The following STXBP5L variants were observed in gnomAD, a reference collection of about 807,000 sequenced individuals.
STXBP5L encodes syntaxin binding protein 5L.
STXBP5L carries 65 observed loss-of-function variants against 144.5 expected under a neutral mutation model. That is an observed-to-expected ratio of 0.45 (90% confidence interval 0.37 to 0.55). The LOEUF (loss-of-function observed/expected upper bound fraction) is 0.55, where lower values mean the gene tolerates loss of function less well. Ranked by LOEUF, STXBP5L falls within the 20% of genes least tolerant of loss-of-function variation. STXBP5L has a pLI of 0.00. For synonymous variants in STXBP5L, 505 were observed against 469.6 expected, an observed-to-expected ratio of 1.08 and a Z score of -0.97; for missense variants, 1,298 against 1,405.5, an observed-to-expected ratio of 0.92 and a Z score of 1.22.
intron 3 of STXBP5L, among the ~76,000 whole-genome samples, chr3:120,983,041 G>C (rs946965943): frequency 8.5e-5 from 13 of 152,226 alleles, no homozygotes; most frequent in Non-Finnish European, 1.5e-4. Flanking sequence ...GAGCAGTGGA[G>C]GCAGGCAGCT....
intron 3 of STXBP5L, among the ~76,000 whole-genome samples, chr3:120,987,647 G>T (rs1942416841): frequency 6.6e-6 from 1 of 151,660 alleles, no homozygotes; most frequent in Non-Finnish European, 1.5e-5. Context: ...TGTGCTCGTG[G>T]TTTCACCTCT....
intron 19 of STXBP5L, 51 bp from the exon 20 acceptor site, chr3:121,318,424 C>T (rs770625657): frequency 1.4e-6 from 2 of 1,418,446 alleles, no homozygotes; most frequent in Non-Finnish European, 1.9e-6. Context: ...ATAAGAATAA[C>T]CTACAAAATG....
In STXBP5L at chr3:121,006,884, C is replaced by G. The variant is rs534108426; in HGVS notation, c.288-34816C>G. 1.9e-4 allele frequency among the ~76,000 whole-genome samples: 29 copies of G among 152,296 alleles called. No homozygotes were observed. The Middle Eastern group carries it at 0.017, about 89-fold the overall frequency. ...AGAATGTTGAATATTGGCCCCCACT[C>G]TCTTCTGGCTTGTAGAGTTTCTGCT... On this transcript the variant is annotated intron_variant, in intron 3 of 26. Transcript: ENST00000471454.
intron 3 of STXBP5L, among the ~76,000 whole-genome samples, chr3:121,017,055 C>A (rs1308065657): frequency 6.6e-6 from 1 of 152,086 alleles, no homozygotes; most frequent in African/African-American, 2.4e-5. Flanking sequence ...ATTAGCAAAT[C>A]AAATCCAACA....
chr3:121,002,038 T>A (rs1471482118), intron 3 of STXBP5L, among the ~76,000 whole-genome samples: 2 of 152,236 alleles, frequency 1.3e-5, no homozygotes, highest in Admixed American at 1.3e-4. Context: ...GATATATCTA[T>A]GACATACTGA....
chr3:121,363,529 AC>A (rs2045776353), intron 20 of STXBP5L, among the ~76,000 whole-genome samples: 1 of 151,976 alleles, frequency 6.6e-6, no homozygotes. Context: ...TTCTGCTCTA[AC>A]AGGACAGCAC....
At chr3:120,921,630 C>T (rs780621288) in intron 2 of STXBP5L, among the ~76,000 whole-genome samples, 14 of 151,890 alleles carry the variant, frequency 9.2e-5, no homozygotes, top group Non-Finnish European at 1.9e-4. Flanking sequence ...AGTCTTTAAT[C>T]AATTTTGATT....
At chr3:120,991,732 G>A (rs927249591) in intron 3 of STXBP5L, among the ~76,000 whole-genome samples, 1 of 150,520 alleles carries the variant, frequency 6.6e-6, no homozygotes, top group South Asian at 2.1e-4. Flanking sequence ...AACACCGCAT[G>A]TTCTCACTCA....
In STXBP5L at chr3:121,255,715, G is replaced by A. The variant is rs182641203; in HGVS notation, c.1659+603G>A. 2.7e-3 allele frequency among the ~76,000 whole-genome samples: 407 copies of A among 151,928 alleles called. 5 individuals are homozygous for A. Among genetic ancestry groups the A allele is most frequent in the South Asian group, 0.021 (99 of 4,812 alleles). The stretch of plus-strand genomic sequence containing the variant: ...GTTATTTTTAATGATTTTCTATGTA[G>A]CAACATTTTTATGGGGTAGATCTAA... On this transcript the variant is annotated intron_variant, in intron 16 of 26. Coordinates refer to ENST00000471454, the MANE Select transcript of STXBP5L (RefSeq NM_001308330.2).
intron 20 of STXBP5L, among the ~76,000 whole-genome samples, chr3:121,326,565 C>T (rs2044156191): frequency 6.6e-6 from 1 of 151,964 alleles, no homozygotes. Context: ...TTATTTATTT[C>T]AGAGAATATA....
chr3:121,104,977 C>G (rs2043622235), intron 5 of STXBP5L, among the ~76,000 whole-genome samples: 1 of 152,082 alleles, frequency 6.6e-6, no homozygotes, highest in Non-Finnish European at 1.5e-5. Flanking sequence ...TCTTGGCAAC[C>G]TATGCATCTG....
At chr3:121,246,762 A>C (rs537292006) in intron 14 of STXBP5L, among the ~76,000 whole-genome samples, 1 of 152,332 alleles carries the variant, frequency 6.6e-6, no homozygotes, top group South Asian at 2.1e-4. Flanking sequence ...AAAAGGAACA[A>C]ATTATTAATA....
intron 5 of STXBP5L, among the ~76,000 whole-genome samples, chr3:121,103,194 GGTATATATCCATAGAAAAATAAATT>G (rs2043517601): frequency 6.6e-6 from 1 of 150,984 alleles, no homozygotes; most frequent in African/African-American, 2.4e-5. Context: ...CCCATTACTG[GGTATATATCCATAGAAAAATAAATT>G]GTTCTACCAA....
intron 7 of STXBP5L, among the ~76,000 whole-genome samples, chr3:121,123,538 A>G (rs1247919906): frequency 1.3e-5 from 2 of 151,480 alleles, no homozygotes; most frequent in African/African-American, 2.4e-5. Flanking sequence ...TTGCCTTTAT[A>G]TTTGTACTTA....
At chr3:121,331,954 C>G (rs1577477018) in intron 20 of STXBP5L, among the ~76,000 whole-genome samples, 1 of 151,536 alleles carries the variant, frequency 6.6e-6, no homozygotes, top group South Asian at 2.1e-4. Context: ...AGAAAGCCAT[C>G]ATACAAAGAC....
At chr3:121,089,544 T>A (rs1435345790) in intron 5 of STXBP5L, among the ~76,000 whole-genome samples, 1 of 151,928 alleles carries the variant, frequency 6.6e-6, no homozygotes, top group Non-Finnish European at 1.5e-5. Context: ...TTTCTTTTCT[T>A]CCTTGTTTTT....
chr3:121,334,625 C>CAAAAA (rs2044441002), intron 20 of STXBP5L, among the ~76,000 whole-genome samples: 3 of 152,046 alleles, frequency 2.0e-5, no homozygotes, highest in African/African-American at 7.2e-5. Flanking sequence ...AGCAACACAT[C>CAAAAA]AAAAAGCTAT....
intron 22 of STXBP5L, among the ~76,000 whole-genome samples, chr3:121,391,320 A>G (rs778872939): frequency 6.6e-6 from 1 of 151,972 alleles, no homozygotes; most frequent in Non-Finnish European, 1.5e-5. Context: ...CTTCCTTGCA[A>G]TGGGTTTGAG....
At chr3:121,242,234 A>G (rs2049694584) in intron 14 of STXBP5L, among the ~76,000 whole-genome samples, 2 of 152,196 alleles carry the variant, frequency 1.3e-5, no homozygotes, top group African/African-American at 4.8e-5. Flanking sequence ...ATGGATAAAT[A>G]CAATAGGCTT....
Sources: gnomAD v4.1 joint callset for allele counts (sites outside exome capture counted in the v4.1 genomes callset) on GRCh38, gnomAD v4.1.1 for gene constraint, MANE v1.5 for transcripts, NCBI Gene and HGNC (gene_info 2026-07-23, HGNC 2026-07-21) for gene names.